GLDC: variants seen among roughly 807,000 people sequenced by gnomAD.
The protein encoded by GLDC is glycine dehydrogenase (decarboxylating), mitochondrial.
GLDC carries 104 observed loss-of-function variants against 121.3 expected under a neutral mutation model. The observed-to-expected ratio is 0.86, with a 90% confidence interval of 0.73 to 1.01. GLDC has a LOEUF of 1.01. Ranked by LOEUF, GLDC falls within the 50% of genes least tolerant of loss-of-function variation. The probability of loss-of-function intolerance (pLI) is 0.00; values close to 1 mark genes in which losing one functional copy is unlikely to be tolerated. For synonymous variants in GLDC, 546 were observed against 480.6 expected (o/e 1.14, Z -1.78); for missense variants, 1,429 against 1,306.6 (o/e 1.09, Z -1.44).
At chr9:6,543,071 G>C (rs1048022502) in intron 21 of GLDC, among the ~76,000 whole-genome samples, 1 of 151,972 alleles carries the variant, frequency 6.6e-6, no homozygotes, top group Admixed American at 6.6e-5. Context: ...GAGCTTGGGA[G>C]TTGGAGACCA....
chr9:6,554,556 C>A, intron 19 of GLDC, 113 bp downstream of exon 19: 1 of 804,478 alleles, frequency 1.2e-6, no homozygotes. Context: ...GTGCACTACA[C>A]CGATGAGGGT....
intron 16 of GLDC, among the ~76,000 whole-genome samples, chr9:6,561,917 T>C (rs886470598): frequency 9.2e-5 from 14 of 152,212 alleles, no homozygotes; most frequent in African/African-American, 3.4e-4. Context: ...CAAAGGCCAC[T>C]ACTTTGTCTC....
rs191889982 is a variant in GLDC at position 6,554,112 on chromosome 9, A to G, written c.2315+557T>C. ...GCTCAGGAAAACAGCTGCTCTCATC[A>G]TCATTTTCCCAAGATGATTTGATTT... is the stretch of plus-strand genomic sequence containing the variant. On this transcript the variant is annotated intron_variant, in intron 19 of 24. Transcript: ENST00000321612. Among the ~76,000 whole-genome samples, 41 of 152,350 alleles carry G rather than the reference A, an allele frequency of 2.7e-4. No homozygotes were observed. In the East Asian group the frequency reaches 6.6e-3, roughly 24 times the overall value.
Position 6,588,688 on chromosome 9 carries a change from G to C in GLDC, c.1595C>G (p.Thr532Arg), listed in dbSNP as rs386833527. ...TTTCTTCATGTACCGGACAATGTTT[G>C]TTTCAGAGTGGTAGCTGTGAACACA... ...HQVFNSYHSE[T>R]NIVRYMKKLE... The change falls in exon 13 of 25, where the codon ACA (threonine) becomes AGA (arginine). Residue 532 changes from threonine (T) to arginine (R), a missense_variant. Coordinates refer to ENST00000321612, the MANE Select transcript of GLDC (RefSeq NM_000170.3). 1.9e-6 allele frequency: 3 copies of C among 1,612,424 alleles called. No individual in the cohort carries two copies. The highest frequency in any genetic ancestry group is 2.5e-6 in the Non-Finnish European group (3 of 1,178,480).
chr9:6,537,147 A>G (rs1439415186), intron 22 of GLDC, among the ~76,000 whole-genome samples: 1 of 151,538 alleles, frequency 6.6e-6, no homozygotes, highest in Non-Finnish European at 1.5e-5. Flanking sequence ...CCTCCCACCT[A>G]AGCCTTCCAA....
Position 6,586,501 on chromosome 9 carries a change from A to G in GLDC, c.1850+640T>C, listed in dbSNP as rs566876480. On this transcript the variant is annotated intron_variant, in intron 15 of 24. Transcript: ENST00000321612. Reference sequence around the variant, plus strand: ...AAGAAATTGAGGCTGGAAGAGGAGAAGGGACCTTTCAAAGTTAGTGACATT... The same window carrying G: ...AAGAAATTGAGGCTGGAAGAGGAGAGGGGACCTTTCAAAGTTAGTGACATT... Among the ~76,000 whole-genome samples the G allele has an allele frequency of 3.9e-5, 6 of 152,284 alleles. No individual in the cohort carries two copies. In the South Asian group the frequency reaches 1.2e-3, roughly 32 times the overall value.
chr9:6,643,259 A>T (rs1819664432), intron 2 of GLDC, among the ~76,000 whole-genome samples: 1 of 151,804 alleles, frequency 6.6e-6, no homozygotes, highest in African/African-American at 2.4e-5. Context: ...CCTAAATCTC[A>T]ATTAGTTCAA....
chr9:6,597,439 A>G (rs562685721), intron 8 of GLDC, among the ~76,000 whole-genome samples: 1 of 152,328 alleles, frequency 6.6e-6, no homozygotes, highest in South Asian at 2.1e-4. Context: ...GACTTTAGAA[A>G]AGCCAACAAG....
At chr9:6,563,352 A>T (rs1817794212) in intron 16 of GLDC, among the ~76,000 whole-genome samples, 3 of 152,226 alleles carry the variant, frequency 2.0e-5, no homozygotes, top group African/African-American at 4.8e-5. Context: ...TTAGCTAGTC[A>T]CCTGCTTTCT....
chr9:6,628,884 T>G (rs1395180907), intron 2 of GLDC, among the ~76,000 whole-genome samples: 3 of 152,158 alleles, frequency 2.0e-5, no homozygotes, highest in Non-Finnish European at 4.4e-5. Flanking sequence ...CACAGTAAAT[T>G]CTTTTCTTGC....
intron 8 of GLDC, among the ~76,000 whole-genome samples, chr9:6,598,679 T>G (rs7863517): frequency 2.0e-5 from 3 of 152,074 alleles, no homozygotes; most frequent in Non-Finnish European, 4.4e-5. Flanking sequence ...AATTCTTGTA[T>G]GCAATCAACT....
At chr9:6,602,651 C>G (rs1587958432) in intron 7 of GLDC, among the ~76,000 whole-genome samples, 1 of 152,098 alleles carries the variant, frequency 6.6e-6, no homozygotes, top group African/African-American at 2.4e-5. Context: ...CTGTGCCCAG[C>G]AGGATTACTG....
intron 2 of GLDC, among the ~76,000 whole-genome samples, chr9:6,640,504 C>A (rs890562752): frequency 6.6e-6 from 1 of 152,232 alleles, no homozygotes; most frequent in African/African-American, 2.4e-5. Flanking sequence ...ACAATGCTCC[C>A]TCCCTCCGCT....
chr9:6,612,733 G>A lies in GLDC; in HGVS notation c.471-2377C>T, dbSNP rs143845788. Among the ~76,000 whole-genome samples the A allele has an allele frequency of 1.5e-3, 229 of 152,256 alleles. 1 individual carries two copies. In the Middle Eastern group the frequency reaches 0.017, roughly 11 times the overall value. On this transcript the variant is annotated intron_variant, in intron 3 of 24. Coordinates refer to ENST00000321612, the MANE Select transcript of GLDC (RefSeq NM_000170.3). The stretch of plus-strand genomic sequence containing the variant: ...AAAAATTAGCTGGGTGTGGTGGCAC[G>A]TGCTTGTAGTCCCAGCTACTTGGGA...
At position 6,610,198 on chromosome 9, in the gene GLDC, C is replaced by T; in HGVS notation, c.629G>A (p.Cys210Tyr). Residue 210 changes from cysteine (C) to tyrosine (Y), a missense_variant, in exon 4 of 25, where the codon TGC (cysteine) becomes TAC (tyrosine). Coordinates refer to ENST00000321612, the MANE Select transcript of GLDC (RefSeq NM_000170.3). ...GTAAAEALQL[C>Y]YRHNKRRKFL... is the part of the protein sequence containing the mutation. ...ACTTTGAGAGGCCTCTCACCTGTAGCACAGCTGCAGTGCCTCTGCGGCTGC... is the reference window on the plus strand; with the variant it reads ...ACTTTGAGAGGCCTCTCACCTGTAGTACAGCTGCAGTGCCTCTGCGGCTGC... 6.2e-7 allele frequency: 1 copy of T among 1,610,344 alleles called. No individual in the cohort carries two copies. The highest frequency in any genetic ancestry group is 8.5e-7 in the Non-Finnish European group (1 of 1,178,162).
At chr9:6,640,075 C>T (rs1047350925) in intron 2 of GLDC, among the ~76,000 whole-genome samples, 1 of 152,192 alleles carries the variant, frequency 6.6e-6, no homozygotes, top group African/African-American at 2.4e-5. Flanking sequence ...TTGTAAACAA[C>T]CTCCAATCAG....
chr9:6,640,041 T>G (rs895737811), intron 2 of GLDC, among the ~76,000 whole-genome samples: 4 of 152,184 alleles, frequency 2.6e-5, no homozygotes, highest in African/African-American at 9.6e-5. Context: ...GCCCGACTTC[T>G]AGTAAATCCT....
intron 4 of GLDC, among the ~76,000 whole-genome samples, chr9:6,608,151 C>A (rs897083814): frequency 6.6e-6 from 1 of 151,962 alleles, no homozygotes; most frequent in African/African-American, 2.4e-5. Flanking sequence ...GGGTGGTTCA[C>A]GCCTGTAATC....
chr9:6,609,344 G>C (rs1265531470), intron 4 of GLDC, among the ~76,000 whole-genome samples: 2 of 152,144 alleles, frequency 1.3e-5, no homozygotes, highest in Non-Finnish European at 2.9e-5. Flanking sequence ...ATGTGTAATA[G>C]ACGAGAGATT....
Sources: allele counts gnomAD v4.1 joint callset (sites outside exome capture counted in the v4.1 genomes callset), GRCh38; gene constraint gnomAD v4.1.1; transcripts MANE v1.5; gene names NCBI Gene and HGNC (gene_info 2026-07-23, HGNC 2026-07-21).